Variants in TP63 observed in about 807,000 individuals in gnomAD.
The protein encoded by TP63 is tumor protein 63.
In TP63, 17 loss-of-function variants were observed where a neutral mutation model predicts 82.8. The ratio of observed to expected loss-of-function variants is 0.21; its 90% CI spans 0.14 to 0.31. The LOEUF is 0.31. Ranked by LOEUF, TP63 falls within the 10% of genes least tolerant of loss-of-function variation. The pLI is 1.00. For synonymous variants in TP63, 330 were observed against 321.7 expected, an observed-to-expected ratio of 1.03 and a Z score of -0.28; for missense variants, 648 against 895.3, an observed-to-expected ratio of 0.72 and a Z score of 3.52.
the TP63 span, among the ~76,000 whole-genome samples, chr3:189,614,417 C>A: frequency 1.3e-5 from 2 of 152,212 alleles, no homozygotes; most frequent in African/African-American, 4.8e-5. Flanking sequence ...AATTAAACCT[C>A]CTCCTTTTGT....
rs1257466657 is a variant in TP63 at position 189,694,837 on chromosome 3, G to A, written c.63-42903G>A. On this transcript the variant is annotated intron_variant, in intron 1 of 13. Coordinates refer to ENST00000264731, the MANE Select transcript of TP63 (RefSeq NM_003722.5). ...TTTTTTTTTTTTGAGACAGAGTCTC[G>A]CTCTGTCTCCTAGCCTGGAGTGCAG... is the stretch of plus-strand genomic sequence containing the variant. Among the ~76,000 whole-genome samples the A allele has an allele frequency of 5.2e-5, 4 of 76,998 alleles. No homozygotes were observed. In the Admixed American group the frequency reaches 6.9e-4, roughly 13 times the overall value. The allele number at this position is 76,998 out of a possible 152,430, so 50.5% of individuals were successfully genotyped here. A position where few individuals can be genotyped will look rare whatever the true frequency, so the allele number is the denominator to read the frequency against.
chr3:189,882,717 G>T (rs1224153203), intron 10 of TP63, among the ~76,000 whole-genome samples: 1 of 152,112 alleles, frequency 6.6e-6, no homozygotes, highest in East Asian at 1.9e-4. Context: ...CAGGAATTTT[G>T]ATATTCTACC....
intron 4 of TP63, among the ~76,000 whole-genome samples, chr3:189,823,584 G>A (rs1729021779): frequency 6.6e-6 from 1 of 152,108 alleles, no homozygotes; most frequent in African/African-American, 2.4e-5. Context: ...AGATAGAAAG[G>A]TAGGGAGGAG....
chr3:189,738,503 C>A, intron 2 of TP63, 139 bp from the exon 3 acceptor site: 1 of 1,277,220 alleles, frequency 7.8e-7, no homozygotes, highest in Non-Finnish European at 1.1e-6. Context: ...AGCCAGGACT[C>A]AAACCTAGAG....
intron 1 of TP63, among the ~76,000 whole-genome samples, chr3:189,682,815 A>G (rs1412569968): frequency 2.6e-5 from 4 of 151,926 alleles, no homozygotes; most frequent in Admixed American, 1.3e-4. Flanking sequence ...ACCCCAAACC[A>G]TAATTTTACT....
Position 189,894,186 on chromosome 3 carries a change from C to T in TP63, c.1747-20C>T, listed in dbSNP as rs2108872705. 1 of 1,614,106 alleles carries T rather than the reference C, an allele frequency of 6.2e-7. No individual in the cohort carries two copies. The highest frequency in any genetic ancestry group is 8.5e-7 in the Non-Finnish European group (1 of 1,179,998). ...TTCTCCCTGTTTTCATTCTCCATGA[C>T]ACCTTCCCCTGTTGCACAGGATCTG... is the stretch of plus-strand genomic sequence containing the variant. On this transcript the variant is annotated intron_variant, in intron 13 of 13. Coordinates refer to ENST00000264731, the MANE Select transcript of TP63 (RefSeq NM_003722.5).
At chr3:189,615,085 G>C in the TP63 span, among the ~76,000 whole-genome samples, 2 of 152,054 alleles carry the variant, frequency 1.3e-5, no homozygotes, top group African/African-American at 4.8e-5. Context: ...CATGAATTTG[G>C]GTTATACCAC....
chr3:189,752,833 G>A (rs1262235852), intron 3 of TP63, among the ~76,000 whole-genome samples: 8 of 151,924 alleles, frequency 5.3e-5, no homozygotes, highest in Admixed American at 3.9e-4. Context: ...CATACAATAC[G>A]TTTTGATATA....
intron 1 of TP63, among the ~76,000 whole-genome samples, chr3:189,699,256 G>A (rs1216592899): frequency 3.9e-5 from 6 of 152,166 alleles, no homozygotes; most frequent in East Asian, 3.8e-4. Flanking sequence ...ACAGAGAGAA[G>A]TTGAGGTTTG....
intron 3 of TP63, among the ~76,000 whole-genome samples, chr3:189,794,420 G>A (rs780573910): frequency 6.6e-6 from 1 of 151,892 alleles, no homozygotes; most frequent in Non-Finnish European, 1.5e-5. Flanking sequence ...GATCAAGAAA[G>A]TCTATATGCA....
chr3:189,657,915 G>A (rs1349970131), intron 1 of TP63, among the ~76,000 whole-genome samples: 1 of 152,046 alleles, frequency 6.6e-6, no homozygotes, highest in Non-Finnish European at 1.5e-5. Flanking sequence ...CAGAAGCAAG[G>A]ACACCTAAGT....
chr3:189,715,301 T>C (rs1294657378), intron 1 of TP63, among the ~76,000 whole-genome samples: 1 of 152,182 alleles, frequency 6.6e-6, no homozygotes, highest in Non-Finnish European at 1.5e-5. Flanking sequence ...TAAGATTTTG[T>C]GTGAGAAGGC....
intron 4 of TP63, among the ~76,000 whole-genome samples, chr3:189,818,676 T>C (rs980685490): frequency 7.9e-5 from 12 of 152,136 alleles, no homozygotes; most frequent in African/African-American, 2.2e-4. Flanking sequence ...TTTTAAGCAA[T>C]TGAATCCATT....
chr3:189,815,490 GTATTAAAA>G (rs1442564373), intron 4 of TP63, among the ~76,000 whole-genome samples: 1 of 151,958 alleles, frequency 6.6e-6, no homozygotes, highest in African/African-American at 2.4e-5. Context: ...AGTAGACCTA[GTATTAAAA>G]TATTTAAAAT....
intron 3 of TP63, chr3:189,789,746 C>T (rs1162602529): frequency 1.3e-6 from 2 of 1,549,446 alleles, no homozygotes; most frequent in Admixed American, 2.0e-5. Flanking sequence ...GGGGGGTTGG[C>T]AAAATCCTGG....
chr3:189,728,863 C>T (rs981292347), intron 1 of TP63, among the ~76,000 whole-genome samples: 4 of 152,162 alleles, frequency 2.6e-5, no homozygotes, highest in East Asian at 1.9e-4. Flanking sequence ...TCCTCCTGGT[C>T]CTGCCCTTGA....
In TP63 at chr3:189,812,074, G is replaced by A. The variant is rs571222292; in HGVS notation, c.579+3548G>A. On this transcript the variant is annotated intron_variant, in intron 4 of 13. Transcript: ENST00000264731. ...TCATTAGGGGGAGATCATGCTTATC[G>A]CATAGTCTTCTGGTAATTCTTTAAT... Among the ~76,000 whole-genome samples, 21 of 152,258 alleles carry A rather than the reference G, an allele frequency of 1.4e-4. 1 individual carries two copies. In the South Asian group the frequency reaches 3.5e-3, roughly 26 times the overall value.
At chr3:189,842,473 GGT>G (rs745777606) in intron 4 of TP63, among the ~76,000 whole-genome samples, 2 of 152,174 alleles carry the variant, frequency 1.3e-5, no homozygotes, top group Non-Finnish European at 2.9e-5. Flanking sequence ...GTCCAGTAGG[GGT>G]GAGGGGTAAG....
intron 3 of TP63, among the ~76,000 whole-genome samples, chr3:189,742,100 G>T (rs1345068261): frequency 2.0e-5 from 3 of 151,858 alleles, no homozygotes; most frequent in African/African-American, 7.3e-5. Flanking sequence ...AAAATTAGCT[G>T]AGCATGGTGG....
Sources: gnomAD v4.1 joint callset for allele counts (sites outside exome capture counted in the v4.1 genomes callset) on GRCh38, gnomAD v4.1.1 for gene constraint, MANE v1.5 for transcripts, NCBI Gene and HGNC (gene_info 2026-07-23, HGNC 2026-07-21) for gene names.